MYL4: variants seen among roughly 807,000 people sequenced by gnomAD.
MYL4 encodes myosin light chain 4.
A neutral mutation model predicts 21.6 loss-of-function variants in MYL4; 16 were observed. The ratio of observed to expected loss-of-function variants is 0.74; its 90% CI spans 0.50 to 1.12. The LOEUF is 1.12. Ranked by LOEUF, MYL4 falls within the 50% of genes most tolerant of loss-of-function variation. The probability of loss-of-function intolerance (pLI) is 0.00; values close to 1 mark genes in which losing one functional copy is unlikely to be tolerated. For missense variants in MYL4, 249 were observed against 252.9 expected (o/e 0.98, Z 0.11); for synonymous variants, 82 against 95.7 (o/e 0.86, Z 0.83).
At chr17:47,219,760 G>T in intron 2 of MYL4, 144 bp from the exon 3 acceptor site, 1 of 1,009,616 alleles carries the variant, frequency 9.9e-7, no homozygotes, top group Non-Finnish European at 1.5e-6. Context: ...TTCGAGGGAC[G>T]GCCTGGGATA....
At chr17:47,207,928 C>T (rs1431382479), upstream of MYL4, among the ~76,000 whole-genome samples, 1 of 152,184 alleles carries the variant, frequency 6.6e-6, no homozygotes, top group South Asian at 2.1e-4. Flanking sequence ...ATCCTGACTC[C>T]TCCAATAAAT....
At chr17:47,221,383 G>A (rs896356451) in intron 3 of MYL4, among the ~76,000 whole-genome samples, 8 of 152,090 alleles carry the variant, frequency 5.3e-5, no homozygotes, top group African/African-American at 1.7e-4. Context: ...CAGCTCCTCC[G>A]CTTGGCTGGC....
intron 2 of MYL4, among the ~76,000 whole-genome samples, chr17:47,214,852 A>T (rs2064802631): frequency 6.6e-6 from 1 of 152,210 alleles, no homozygotes; most frequent in Non-Finnish European, 1.5e-5. Flanking sequence ...AATATACAGT[A>T]TTTGGATATC....
chr17:47,213,977 C>A, intron 2 of MYL4, 151 bp downstream of exon 2: 2 of 901,946 alleles, frequency 2.2e-6, no homozygotes, highest in Non-Finnish European at 3.6e-6. Flanking sequence ...TACCATGTGT[C>A]AGGCATAGTC....
downstream of MYL4, among the ~76,000 whole-genome samples, chr17:47,226,957 C>T (rs1220331134): frequency 1.3e-5 from 2 of 152,132 alleles, no homozygotes; most frequent in Admixed American, 6.5e-5. Flanking sequence ...CAGGTTCAAG[C>T]GATTCTCCTG....
intron 6 of MYL4, 95 bp downstream of exon 6, chr17:47,223,152 AC>A: frequency 7.6e-7 from 1 of 1,322,742 alleles, no homozygotes; most frequent in Non-Finnish European, 1.1e-6. Context: ...CCCAGCCCTG[AC>A]CCCTTAAGAG....
chr17:47,215,478 T>A (rs2064806828), intron 2 of MYL4, among the ~76,000 whole-genome samples: 1 of 152,200 alleles, frequency 6.6e-6, no homozygotes, highest in African/African-American at 2.4e-5. Context: ...ATCTTTTCAT[T>A]TGTTTTTTGG....
intron 1 of MYL4, among the ~76,000 whole-genome samples, chr17:47,202,428 A>G (rs1364864234): frequency 5.3e-5 from 8 of 152,230 alleles, no homozygotes; most frequent in Non-Finnish European, 1.0e-4. Flanking sequence ...AGATTCATAT[A>G]CCTAAGTTGT....
At chr17:47,202,951 T>G (rs2064714906) in intron 1 of MYL4, among the ~76,000 whole-genome samples, 1 of 152,106 alleles carries the variant, frequency 6.6e-6, no homozygotes, top group Admixed American at 6.5e-5. Context: ...ATTTATTTAT[T>G]TATTTATTTA....
downstream of MYL4, among the ~76,000 whole-genome samples, chr17:47,226,735 A>G (rs1163916354): frequency 6.6e-6 from 1 of 152,020 alleles, no homozygotes. Context: ...GTCCTCAGGG[A>G]CCCAAGTTCT....
rs146859926 is a variant in MYL4, at chr17:47,222,376, G to T, written c.488-4G>T. ...GAGCGCACCACCTCCCAAACCCACCGCAGGAGAGAAGATGACTGAGGCTGA... is the reference window on the plus strand; with the variant it reads ...GAGCGCACCACCTCCCAAACCCACCTCAGGAGAGAAGATGACTGAGGCTGA... On this transcript the variant is annotated splice_region_variant and splice_polypyrimidine_tract_variant and intron_variant, in intron 4 of 6. Coordinates refer to ENST00000393450, the MANE Select transcript of MYL4 (RefSeq NM_002476.2). 2 of 1,613,928 alleles carry T rather than the reference G, an allele frequency of 1.2e-6. No individual in the cohort carries two copies. The highest frequency in any genetic ancestry group is 1.7e-6 in the Non-Finnish European group (2 of 1,179,974).
At chr17:47,225,541 C>G (rs1203203213), downstream of MYL4, among the ~76,000 whole-genome samples, 1 of 152,166 alleles carries the variant, frequency 6.6e-6, no homozygotes, top group Admixed American at 6.5e-5. Context: ...GCCAGTTCAC[C>G]GATTAGTCAG....
At chr17:47,219,831 G>A (rs2064841228) in intron 2 of MYL4, 73 bp from the exon 3 acceptor site, 2 of 1,576,888 alleles carry the variant, frequency 1.3e-6, no homozygotes, top group Non-Finnish European at 1.7e-6. Flanking sequence ...TTCAGCTTGG[G>A]TGGAGGCTGA....
intron 1 of MYL4, 59 bp downstream of exon 1, chr17:47,209,616 C>T: frequency 1.2e-6 from 2 of 1,613,722 alleles, no homozygotes; most frequent in Non-Finnish European, 1.7e-6. Context: ...TCCTTTTGCT[C>T]TGGAGCTTAG....
upstream of MYL4, among the ~76,000 whole-genome samples, chr17:47,195,576 C>G (rs138540852): frequency 2.5e-3 from 381 of 152,252 alleles, no homozygotes; most frequent in Admixed American, 4.2e-3. Flanking sequence ...CCAGGCTGGT[C>G]TCCAACTCCT....
At chr17:47,221,634 A>T in intron 3 of MYL4, 48 bp from the exon 4 acceptor site, 1 of 1,575,136 alleles carries the variant, frequency 6.3e-7, no homozygotes, top group Non-Finnish European at 8.6e-7. Context: ...TGCTCCCTTG[A>T]GCACCTGCTC....
At chr17:47,216,539 A>C (rs1714958040) in intron 2 of MYL4, among the ~76,000 whole-genome samples, 1 of 151,984 alleles carries the variant, frequency 6.6e-6, no homozygotes, top group African/African-American at 2.4e-5. Context: ...TATAGCATAT[A>C]TTTTTTCATA....
chr17:47,195,480 T>A (rs1441293874), upstream of MYL4, among the ~76,000 whole-genome samples: 1 of 151,852 alleles, frequency 6.6e-6, no homozygotes, highest in Non-Finnish European at 1.5e-5. Flanking sequence ...CTGCCCGCCT[T>A]GGCCTCCCAA....
chr17:47,200,209 C>T (rs1420663026), upstream of MYL4, among the ~76,000 whole-genome samples: 4 of 149,808 alleles, frequency 2.7e-5, no homozygotes, highest in Non-Finnish European at 1.5e-5. Context: ...AGTCAGAATT[C>T]AAGAAGTAAA....
Sources: gnomAD v4.1 joint callset for allele counts (sites outside exome capture counted in the v4.1 genomes callset) on GRCh38, gnomAD v4.1.1 for gene constraint, MANE v1.5 for transcripts, NCBI Gene and HGNC (gene_info 2026-07-23, HGNC 2026-07-21) for gene names.